Variants in EGFR observed in about 807,000 individuals in gnomAD.
EGFR encodes epidermal growth factor receptor.
Under a neutral mutation model 143.0 loss-of-function variants are expected in EGFR, and 58 were observed. The ratio of observed to expected loss-of-function variants is 0.41; its 90% CI spans 0.33 to 0.50. The LOEUF (loss-of-function observed/expected upper bound fraction) is 0.50, where lower values mean the gene tolerates loss of function less well. EGFR is among the 20% of genes least tolerant of loss of function. The probability of loss-of-function intolerance (pLI) is 0.39; values close to 1 mark genes in which losing one functional copy is unlikely to be tolerated. For synonymous variants in EGFR, 613 were observed against 594.4 expected, an observed-to-expected ratio of 1.03 and a Z score of -0.45; for missense variants, 1,307 against 1,579.0, an observed-to-expected ratio of 0.83 and a Z score of 2.92.
intron 1 of EGFR, among the ~76,000 whole-genome samples, chr7:55,029,911 GT>G (rs1299787928): frequency 2.6e-5 from 4 of 152,284 alleles, no homozygotes; most frequent in African/African-American, 7.2e-5. Flanking sequence ...TAAGTGTGCT[GT>G]CCCTATAATT....
intron 1 of EGFR, among the ~76,000 whole-genome samples, chr7:55,055,056 G>C (rs754594095): frequency 6.6e-6 from 1 of 152,172 alleles, no homozygotes; most frequent in Non-Finnish European, 1.5e-5. Flanking sequence ...TCATTTCCCC[G>C]ATGGGGGGTT....
intron 22 of EGFR, among the ~76,000 whole-genome samples, chr7:55,193,619 C>G (rs1787496175): frequency 6.6e-6 from 1 of 152,318 alleles, no homozygotes; most frequent in East Asian, 1.9e-4. Flanking sequence ...AGGCTGGAAC[C>G]CATGAACCTA....
At chr7:55,028,169 G>A (rs914053693) in intron 1 of EGFR, among the ~76,000 whole-genome samples, 5 of 151,874 alleles carry the variant, frequency 3.3e-5, no homozygotes, top group Non-Finnish European at 7.4e-5. Context: ...GTGCACAGCA[G>A]ATGACGTCAT....
intron 1 of EGFR, among the ~76,000 whole-genome samples, chr7:55,108,217 TCCC>T (rs1792252176): frequency 1.3e-5 from 2 of 152,212 alleles, no homozygotes; most frequent in Non-Finnish European, 2.9e-5. Context: ...CATAGGCCAT[TCCC>T]ACAGAATTTT....
At chr7:55,030,672 C>G (rs897329917) in intron 1 of EGFR, among the ~76,000 whole-genome samples, 1 of 152,196 alleles carries the variant, frequency 6.6e-6, no homozygotes, top group Non-Finnish European at 1.5e-5. Context: ...AGACTCATTT[C>G]TATGATTTAA....
chr7:55,157,603 C>A, intron 10 of EGFR, 60 bp from the exon 11 acceptor site: 1 of 1,390,244 alleles, frequency 7.2e-7, no homozygotes, highest in South Asian at 1.2e-5. Context: ...AGAGTAATGT[C>A]TCATACAAAA....
At chr7:55,147,112 G>A (rs917326186) in intron 4 of EGFR, among the ~76,000 whole-genome samples, 1 of 152,172 alleles carries the variant, frequency 6.6e-6, no homozygotes, top group Admixed American at 6.5e-5. Flanking sequence ...GAGGCTACCC[G>A]GCCCTCCTGA....
chr7:55,080,113 C>T (rs1790378966), intron 1 of EGFR, among the ~76,000 whole-genome samples: 1 of 152,080 alleles, frequency 6.6e-6, no homozygotes, highest in African/African-American at 2.4e-5. Context: ...TCATCTTCAA[C>T]AAGTTTCATA....
At chr7:55,084,570 G>A (rs907513599) in intron 1 of EGFR, among the ~76,000 whole-genome samples, 1 of 152,182 alleles carries the variant, frequency 6.6e-6, no homozygotes, top group Non-Finnish European at 1.5e-5. Context: ...GGGTCAAGTT[G>A]CATTAAGAGA....
At position 55,206,152 on chromosome 7, in the gene EGFR, T is replaced by G; in HGVS notation, c.*535T>G. The G allele has an allele frequency of 3.4e-6, 1 of 290,388 alleles. No homozygotes were observed. Among genetic ancestry groups the G allele is most frequent in the South Asian group, 7.6e-5 (1 of 13,196 alleles). The allele number at this position is 290,388 out of a possible 1,614,324, so 18.0% of individuals were successfully genotyped here. On this transcript the variant is annotated 3_prime_UTR_variant, in exon 28 of 28. Transcript: ENST00000275493. ...AAACACTAAAGATCCAAGAAGGCCT[T>G]CATGGCCCCAGCAGGCCGGATCGGT...
chr7:55,036,822 C>G (rs114271953), intron 1 of EGFR, among the ~76,000 whole-genome samples: 21 of 152,090 alleles, frequency 1.4e-4, no homozygotes, highest in African/African-American at 5.1e-4. Flanking sequence ...GATAAAACCT[C>G]TAAGGAACAC....
chr7:55,032,517 G>A (rs1385781587), intron 1 of EGFR, among the ~76,000 whole-genome samples: 1 of 152,138 alleles, frequency 6.6e-6, no homozygotes, highest in Non-Finnish European at 1.5e-5. Flanking sequence ...GGCATCCTGG[G>A]GAACTGAATG....
intron 1 of EGFR, among the ~76,000 whole-genome samples, chr7:55,019,612 G>C (rs1583837571): frequency 6.6e-6 from 1 of 152,198 alleles, no homozygotes; most frequent in East Asian, 1.9e-4. Context: ...CAGGCCAGGC[G>C]GGGAACGGCC....
At position 55,077,180 on chromosome 7, in the gene EGFR, C is replaced by T. The variant is rs79242306; in HGVS notation, c.88+57815C>T. On this transcript the variant is annotated intron_variant, in intron 1 of 27. Transcript: ENST00000275493. ...ATGGTATTTCGGTCAGATCTTCATC[C>T]TTTGTAAGCCTAGCAGAAAATATGG... is the stretch of plus-strand genomic sequence containing the variant. Among the ~76,000 whole-genome samples, 381 of 152,212 alleles carry T rather than the reference C, an allele frequency of 2.5e-3. 1 individual carries two copies. Among genetic ancestry groups the T allele is most frequent in the African/African-American group, 8.7e-3 (362 of 41,538 alleles).
intron 19 of EGFR, 175 bp from the exon 20 acceptor site, chr7:55,181,118 C>T (rs988101548): frequency 1.3e-6 from 1 of 783,754 alleles, no homozygotes; most frequent in Non-Finnish European, 2.1e-6. Flanking sequence ...TGTCACTTCA[C>T]AGCCCTGCGT....
chr7:55,056,281 A>G (rs960344492), intron 1 of EGFR, among the ~76,000 whole-genome samples: 3 of 152,234 alleles, frequency 2.0e-5, no homozygotes, highest in Admixed American at 6.5e-5. Flanking sequence ...GGAACATGAA[A>G]GAACCTGTCT....
chr7:55,099,753 TGA>T (rs1410965107), intron 1 of EGFR, among the ~76,000 whole-genome samples: 1 of 152,028 alleles, frequency 6.6e-6, no homozygotes, highest in Admixed American at 6.6e-5. Flanking sequence ...ATCTGATTCC[TGA>T]GGAATCACAA....
chr7:55,088,369 A>G (rs1790891764), intron 1 of EGFR, among the ~76,000 whole-genome samples: 1 of 152,228 alleles, frequency 6.6e-6, no homozygotes. Flanking sequence ...CTTCCTGAAA[A>G]AGAGCGTGGT....
chr7:55,184,097 C>T (rs181060493), intron 20 of EGFR, among the ~76,000 whole-genome samples: 3 of 152,348 alleles, frequency 2.0e-5, no homozygotes, highest in East Asian at 1.9e-4. Flanking sequence ...AACGGGGGCA[C>T]GTTGCTGGCC....
Sources: gnomAD v4.1 joint callset for allele counts (sites outside exome capture counted in the v4.1 genomes callset) on GRCh38, gnomAD v4.1.1 for gene constraint, MANE v1.5 for transcripts, NCBI Gene and HGNC (gene_info 2026-07-23, HGNC 2026-07-21) for gene names.